GPHN: variants seen among roughly 807,000 people sequenced by gnomAD.
The protein encoded by GPHN is gephyrin.
In GPHN, 17 loss-of-function variants were observed where a neutral mutation model predicts 95.5. That is an observed-to-expected ratio of 0.18 (90% CI 0.12 to 0.27). The LOEUF (loss-of-function observed/expected upper bound fraction) is 0.27, where lower values mean the gene tolerates loss of function less well. Ranked by LOEUF, GPHN falls within the 10% of genes least tolerant of loss-of-function variation. The pLI, the probability that GPHN is intolerant of heterozygous loss-of-function variation, is 1.00. For synonymous variants in GPHN, 320 were observed against 322.5 expected (o/e 0.99, Z 0.08); for missense variants, 660 against 978.1 (o/e 0.67, Z 4.34).
chr14:66,976,938 C>A (rs1464375926), intron 9 of GPHN, among the ~76,000 whole-genome samples: 1 of 148,080 alleles, frequency 6.8e-6, no homozygotes, highest in Non-Finnish European at 1.5e-5. Context: ...AGTACACTCT[C>A]ACTAGAAATC....
At chr14:67,359,001 T>C in the GPHN span, among the ~76,000 whole-genome samples, 35 of 152,270 alleles carry the variant, frequency 2.3e-4, no homozygotes, top group Admixed American at 2.2e-3. Flanking sequence ...TAAACAAATA[T>C]CTACTTTACA....
At chr14:67,734,123 G>C in the GPHN span, 16 of 349,628 alleles carry the variant, frequency 4.6e-5, no homozygotes, top group Non-Finnish European at 5.6e-5. Context: ...CAGATCCCAG[G>C]CTGGGCATGG....
At position 66,990,512 on chromosome 14, in the gene GPHN, T is replaced by C. The variant is rs1022484495; in HGVS notation, c.963+25187T>C. ...TAGTTATGTCAGCATGATTACAGATTATGAGCTGGATCTGAGGGTTACAGC... is the reference window on the plus strand; with the variant it reads ...TAGTTATGTCAGCATGATTACAGATCATGAGCTGGATCTGAGGGTTACAGC... On this transcript the variant is annotated intron_variant, in intron 9 of 22. Transcript: ENST00000478722. 1.1e-4 allele frequency among the ~76,000 whole-genome samples: 17 copies of C among 152,308 alleles called. No homozygotes were observed. The East Asian group carries it at 1.2e-3, about 10-fold the overall frequency.
intron 4 of GPHN, among the ~76,000 whole-genome samples, chr14:66,860,895 A>G (rs1446782970): frequency 6.6e-6 from 1 of 152,094 alleles, no homozygotes; most frequent in Non-Finnish European, 1.5e-5. Flanking sequence ...ACAAAAAAAT[A>G]TATAAAGCAA....
chr14:67,063,946 C>A (rs907551634), intron 11 of GPHN, among the ~76,000 whole-genome samples: 8 of 152,148 alleles, frequency 5.3e-5, no homozygotes, highest in Admixed American at 5.2e-4. Flanking sequence ...CTGATTGTCC[C>A]TGGCCAGAAC....
At chr14:66,883,290 T>G (rs1182080552) in intron 5 of GPHN, among the ~76,000 whole-genome samples, 1 of 151,980 alleles carries the variant, frequency 6.6e-6, no homozygotes, top group Non-Finnish European at 1.5e-5. Context: ...TTCATCTTCA[T>G]TCTGCCTTTG....
At chr14:67,375,308 T>C in the GPHN span, among the ~76,000 whole-genome samples, 1 of 149,584 alleles carries the variant, frequency 6.7e-6, no homozygotes, top group Non-Finnish European at 1.5e-5. Flanking sequence ...CAGACTGGAG[T>C]GTAGTGGCGC....
intron 12 of GPHN, among the ~76,000 whole-genome samples, chr14:67,092,758 C>T (rs2077194167): frequency 6.6e-6 from 1 of 152,078 alleles, no homozygotes; most frequent in Non-Finnish European, 1.5e-5. Context: ...AAACCTAAAA[C>T]TGCATTCACG....
At chr14:66,837,456 AG>A (rs2061885072) in intron 4 of GPHN, among the ~76,000 whole-genome samples, 1 of 50,344 alleles carries the variant, frequency 2.0e-5, no homozygotes, top group Non-Finnish European at 3.5e-5. Context: ...GGGTGGGGGG[AG>A]GGGGGAGGGA....
the GPHN span, among the ~76,000 whole-genome samples, chr14:67,248,107 A>T: frequency 6.6e-6 from 1 of 152,210 alleles, no homozygotes; most frequent in Non-Finnish European, 1.5e-5. Context: ...ATCTGTTAAT[A>T]TGGTGAATTA....
the GPHN span, among the ~76,000 whole-genome samples, chr14:67,667,892 C>T: frequency 6.6e-6 from 1 of 151,946 alleles, no homozygotes; most frequent in East Asian, 1.9e-4. Context: ...TGCAGTGAGC[C>T]GAGATCGCGC....
rs918724593 is a variant in GPHN, at chr14:66,584,493, C to T, written c.64+75902C>T. On this transcript the variant is annotated intron_variant, in intron 1 of 22. Transcript: ENST00000478722. ...TTTTCAAAGGGAATGCTTCCAGTTTCTGTCCATTCAGTATAATATTGGCTG... is the reference window on the plus strand; with the variant it reads ...TTTTCAAAGGGAATGCTTCCAGTTTTTGTCCATTCAGTATAATATTGGCTG... Among the ~76,000 whole-genome samples, 7 of 152,154 alleles carry T rather than the reference C, an allele frequency of 4.6e-5. No homozygotes were observed. The East Asian group carries it at 5.8e-4, about 13-fold the overall frequency.
At chr14:67,031,921 A>G (rs2074214909) in intron 10 of GPHN, among the ~76,000 whole-genome samples, 1 of 152,154 alleles carries the variant, frequency 6.6e-6, no homozygotes, top group Non-Finnish European at 1.5e-5. Flanking sequence ...TATTGCTAAG[A>G]AACATTAAGT....
the GPHN span, among the ~76,000 whole-genome samples, chr14:67,303,194 A>C: frequency 6.6e-6 from 1 of 152,366 alleles, no homozygotes; most frequent in East Asian, 1.9e-4. Flanking sequence ...TAGTATAATC[A>C]GAAAATCATT....
the GPHN span, chr14:67,575,892 G>A: frequency 1.2e-5 from 20 of 1,613,818 alleles, no homozygotes; most frequent in African/African-American, 4.0e-5. Flanking sequence ...TGACTCAGAC[G>A]AGGACTATGA....
At chr14:67,103,136 C>T (rs1046614227) in intron 13 of GPHN, among the ~76,000 whole-genome samples, 16 of 152,264 alleles carry the variant, frequency 1.1e-4, no homozygotes, top group Admixed American at 1.0e-3. Flanking sequence ...ATGATCTCAG[C>T]TCACTGCAAC....
intron 5 of GPHN, 98 bp downstream of exon 5, chr14:66,880,131 A>G: frequency 1.3e-6 from 1 of 768,384 alleles, no homozygotes; most frequent in Non-Finnish European, 2.3e-6. Context: ...TGAATATTAA[A>G]TGAGCTAGTC....
intron 2 of GPHN, among the ~76,000 whole-genome samples, chr14:66,743,009 C>G (rs558654868): frequency 6.6e-6 from 1 of 151,842 alleles, no homozygotes; most frequent in Middle Eastern, 3.4e-3. Flanking sequence ...ACTTAAGTTT[C>G]TTTTTCTTGT....
chr14:66,841,034 G>GATATA (rs2062066805), intron 4 of GPHN, among the ~76,000 whole-genome samples: 13 of 125,938 alleles, frequency 1.0e-4, no homozygotes, highest in Admixed American at 3.4e-4. Context: ...TATAGATATA[G>GATATA]GTATAGATAT....
Sources: allele counts gnomAD v4.1 joint callset (sites outside exome capture counted in the v4.1 genomes callset), GRCh38; gene constraint gnomAD v4.1.1; transcripts MANE v1.5; gene names NCBI Gene and HGNC (gene_info 2026-07-23, HGNC 2026-07-21).